The following ZNF521 variants were observed in gnomAD, a reference collection of about 807,000 sequenced individuals.
ZNF521 encodes the protein LYST-interacting protein 3.
ZNF521 carries 14 observed loss-of-function variants against 105.5 expected under a neutral mutation model. The observed-to-expected ratio is 0.13, with a 90% CI of 0.09 to 0.21. The LOEUF (loss-of-function observed/expected upper bound fraction) is 0.21, where lower values mean the gene tolerates loss of function less well. Among genes scored for constraint, ZNF521 ranks in the 10% least tolerant of loss-of-function variants. ZNF521 has a pLI of 1.00. For missense variants in ZNF521, 1,233 were observed against 1,629.7 expected (o/e 0.76, Z 4.19); for synonymous variants, 635 against 606.0 (o/e 1.05, Z -0.70).
chr18:25,160,625 C>T (rs148535761), intron 5 of ZNF521, among the ~76,000 whole-genome samples: 2 of 152,150 alleles, frequency 1.3e-5, no homozygotes, highest in Non-Finnish European at 2.9e-5. Context: ...GATAAGTTCG[C>T]GCATATGTGT....
chr18:25,067,876 G>C (rs2033111312), intron 7 of ZNF521, among the ~76,000 whole-genome samples: 1 of 151,740 alleles, frequency 6.6e-6, no homozygotes, highest in Non-Finnish European at 1.5e-5. Context: ...CGTATCAGTG[G>C]TCATAAAAAC....
At chr18:25,108,409 A>C (rs1465783996) in intron 5 of ZNF521, among the ~76,000 whole-genome samples, 1 of 152,062 alleles carries the variant, frequency 6.6e-6, no homozygotes, top group Non-Finnish European at 1.5e-5. Context: ...ATATGGTATA[A>C]GTTTTTCTTT....
intron 3 of ZNF521, among the ~76,000 whole-genome samples, chr18:25,258,135 G>T (rs1179436076): frequency 1.3e-5 from 2 of 152,108 alleles, no homozygotes; most frequent in Non-Finnish European, 2.9e-5. Context: ...TAATTGATAA[G>T]AATAATAATA....
At chr18:25,270,431 C>T (rs1909572020) in intron 3 of ZNF521, among the ~76,000 whole-genome samples, 1 of 152,092 alleles carries the variant, frequency 6.6e-6, no homozygotes, top group Admixed American at 6.5e-5. Flanking sequence ...TTTTATGAGG[C>T]CAGCATCATC....
rs921909172 is a variant in ZNF521 at position 25,199,965 on chromosome 18, T to C, written c.3574-4721A>G. On this transcript the variant is annotated intron_variant, in intron 4 of 7. Transcript: ENST00000361524. ...TTCATACTTTAGTCTATAAAGAACT[T>C]GTATGTAAAAAAAAAATCCCTTGAA... Among the ~76,000 whole-genome samples, 10 of 152,016 alleles carry C rather than the reference T, an allele frequency of 6.6e-5. No individual in the cohort carries two copies. In the East Asian group the frequency reaches 1.9e-3, roughly 29 times the overall value.
intron 2 of ZNF521, among the ~76,000 whole-genome samples, chr18:25,347,735 G>A (rs559032792): frequency 1.3e-5 from 2 of 152,210 alleles, no homozygotes; most frequent in Non-Finnish European, 2.9e-5. Flanking sequence ...CTGGTAATCT[G>A]TATTTTTAAG....
chr18:25,238,091 T>C (rs1269525814), intron 3 of ZNF521, among the ~76,000 whole-genome samples: 1 of 152,124 alleles, frequency 6.6e-6, no homozygotes, highest in Admixed American at 6.5e-5. Flanking sequence ...AAATCTCCAG[T>C]GCCGAGGCAA....
chr18:25,176,689 T>C (rs2035540416), intron 5 of ZNF521, among the ~76,000 whole-genome samples: 1 of 152,212 alleles, frequency 6.6e-6, no homozygotes, highest in Non-Finnish European at 1.5e-5. Flanking sequence ...GGCAAACAAC[T>C]GGCAGCGAAG....
At chr18:25,327,369 T>A in intron 2 of ZNF521, 1 of 1,032,500 alleles carries the variant, frequency 9.7e-7, no homozygotes, top group Non-Finnish European at 1.2e-6. Context: ...ATTAACTGTC[T>A]AATGATGTTG....
At chr18:25,228,741 A>G (rs1001504853) in intron 3 of ZNF521, among the ~76,000 whole-genome samples, 3 of 152,256 alleles carry the variant, frequency 2.0e-5, no homozygotes, top group African/African-American at 7.2e-5. Flanking sequence ...TTATCCATAA[A>G]GGAATGTTAC....
At chr18:25,075,115 C>G (rs572547401) in intron 7 of ZNF521, among the ~76,000 whole-genome samples, 1 of 152,298 alleles carries the variant, frequency 6.6e-6, no homozygotes, top group Admixed American at 6.5e-5. Flanking sequence ...CAAGAACACA[C>G]AGCAACACTG....
rs5823467 is a variant in ZNF521 at position 25,121,111 on chromosome 18, A to ATTTTTT, written c.3659-29036_3659-29031dup. On this transcript the variant is annotated intron_variant, in intron 5 of 7. Coordinates refer to ENST00000361524, the MANE Select transcript of ZNF521 (RefSeq NM_015461.3). ...AATAGAGTGAAAGGGAAGAAGGAGT[A>ATTTTTT]TTTTTTTTTTTTTTTTTTGAGACAG... Among the ~76,000 whole-genome samples the ATTTTTT allele has an allele frequency of 8.4e-5, 10 of 118,672 alleles. 1 individual carries two copies. The highest frequency in any genetic ancestry group is 2.0e-4 in the Admixed American group (2 of 10,094). The allele number at this position is 118,672 out of a possible 152,430, so 77.9% of individuals were successfully genotyped here.
intron 2 of ZNF521, among the ~76,000 whole-genome samples, chr18:25,322,558 C>A (rs1368878241): frequency 6.9e-6 from 1 of 144,802 alleles, no homozygotes; most frequent in Non-Finnish European, 1.6e-5. Context: ...AAAAAACCCC[C>A]CCACTGTGCT....
At position 25,225,600 on chromosome 18, in the gene ZNF521, T is replaced by C. The variant is rs1906068047; in HGVS notation, c.2318A>G (p.His773Arg). Residue 773 changes from histidine (H) to arginine (R), a missense_variant, in exon 4 of 8, where the codon CAC becomes CGC. This residue lies in a region of ZNF521 where 614 missense variants were observed against 751.5 expected (regional missense o/e 0.82). Coordinates refer to ENST00000361524, the MANE Select transcript of ZNF521 (RefSeq NM_015461.3). The surrounding 1 kb of genome is among the most constrained non-coding windows in gnomAD (Gnocchi z 5.6). ...NETDLQLHVK[H>R]NHLENQGKVH... ...TTTCCCTTGGTTTTCCAGGTGGTTGTGTTTCACATGGAGCTGCAAGTCAGT... is the reference window on the plus strand; with the variant it reads ...TTTCCCTTGGTTTTCCAGGTGGTTGCGTTTCACATGGAGCTGCAAGTCAGT... 1.2e-6 allele frequency: 2 copies of C among 1,614,080 alleles called. No homozygotes were observed. The highest frequency in any genetic ancestry group is 1.7e-6 in the Non-Finnish European group (2 of 1,180,036).
intron 3 of ZNF521, among the ~76,000 whole-genome samples, chr18:25,320,426 C>A (rs921787381): frequency 6.6e-6 from 1 of 152,174 alleles, no homozygotes; most frequent in African/African-American, 2.4e-5. Flanking sequence ...CTGCCTCGGC[C>A]TCCCAAAGTG....
At chr18:25,197,261 A>G (rs955886224) in intron 4 of ZNF521, among the ~76,000 whole-genome samples, 1 of 151,832 alleles carries the variant, frequency 6.6e-6, no homozygotes, top group Non-Finnish European at 1.5e-5. Flanking sequence ...ATAAGCTCCT[A>G]AAGTTACGGC....
intron 2 of ZNF521, among the ~76,000 whole-genome samples, chr18:25,333,095 AGAG>A (rs1325654703): frequency 3.3e-5 from 5 of 151,840 alleles, no homozygotes; most frequent in Admixed American, 6.6e-5. Context: ...CATATATACT[AGAG>A]TAGTATATAT....
At chr18:25,139,339 C>T (rs1451516026) in intron 5 of ZNF521, among the ~76,000 whole-genome samples, 1 of 125,008 alleles carries the variant, frequency 8.0e-6, no homozygotes, top group Non-Finnish European at 1.6e-5. Flanking sequence ...CACCACTGCA[C>T]TCTAGCCTGG....
intron 3 of ZNF521, among the ~76,000 whole-genome samples, chr18:25,242,320 G>A (rs990787629): frequency 4.6e-5 from 7 of 152,152 alleles, no homozygotes; most frequent in Middle Eastern, 6.8e-3. Flanking sequence ...TTTCACATTT[G>A]CCAAGCCACA....
Sources: gnomAD v4.1 joint callset for allele counts (sites outside exome capture counted in the v4.1 genomes callset) on GRCh38, gnomAD v4.1.1 for gene constraint, gnomAD v4.1.1 regional missense constraint, Gnocchi (gnomAD v3.1) non-coding constraint, MANE v1.5 for transcripts, NCBI Gene and HGNC (gene_info 2026-07-23, HGNC 2026-07-21) for gene names.